Variants in ADPGK observed in about 807,000 individuals in gnomAD.
ADPGK encodes ADP dependent glucokinase.
ADPGK carries 26 observed loss-of-function variants against 42.4 expected under a neutral mutation model. That is an observed-to-expected ratio of 0.61 (90% CI 0.45 to 0.85). ADPGK has a LOEUF of 0.85. Among genes scored for constraint, ADPGK ranks in the 40% least tolerant of loss-of-function variants. The probability of loss-of-function intolerance (pLI) is 0.00; values close to 1 mark genes in which losing one functional copy is unlikely to be tolerated. For synonymous variants in ADPGK, 267 were observed against 252.6 expected (o/e 1.06, Z -0.54); for missense variants, 571 against 627.0 (o/e 0.91, Z 0.95).
In ADPGK at chr15:72,774,894, G is replaced by A. The variant is rs773950034; in HGVS notation, c.437C>T (p.Ala146Val). Reference protein sequence around the residue: ...KETFHDIAQVASEFPGAQHYV... With the variant: ...KETFHDIAQVVSEFPGAQHYV... ...GACCTGGGCTCCTGGGAACTCTGAT[G>A]CAACCTGGGCAATGTCGTGAAAAGT... Residue 146 changes from alanine (A) to valine (V), a missense_variant, in exon 2 of 7, where the codon GCA becomes GTA. By Grantham distance (64) the Ala-to-Val change is moderately conservative. Around this residue, in one of 2 missense-constraint regions of ADPGK, gnomAD observed 434 missense variants for 522.7 expected, o/e 0.83. Coordinates refer to ENST00000456471, the MANE Select transcript of ADPGK (RefSeq NM_001365225.1). 16 of 1,612,832 alleles carry A rather than the reference G, an allele frequency of 9.9e-6. No homozygotes were observed. Among genetic ancestry groups the A allele is most frequent in the Admixed American group, 5.0e-5 (3 of 59,982 alleles).
chr15:72,755,756 G>A lies in ADPGK; in HGVS notation c.841-102C>T, dbSNP rs552529540. 1.3e-5 allele frequency: 11 copies of A among 879,972 alleles called. No homozygotes were observed. The African/African-American group carries it at 1.5e-4, about 12-fold the overall frequency. 54.5% of individuals were successfully genotyped at this position (879,972 alleles called of 1,614,324 possible). A position where few individuals can be genotyped will look rare whatever the true frequency, so the allele number is the denominator to read the frequency against. Reference sequence around the variant, plus strand: ...TGAGAGGCGGTTCCTCCTGGTAATGGCCTTCTTTGCATGCTCACGGGAGCT... The same window carrying A: ...TGAGAGGCGGTTCCTCCTGGTAATGACCTTCTTTGCATGCTCACGGGAGCT... On this transcript the variant is annotated intron_variant, in intron 5 of 6. Coordinates refer to ENST00000456471, the MANE Select transcript of ADPGK (RefSeq NM_001365225.1).
Position 72,755,577 on chromosome 15 carries a change from G to A in ADPGK, c.918C>T (p.Leu306=). The change falls in exon 6 of 7, where the codon CTC becomes CTT. Residue 306 remains leucine, a synonymous_variant. Coordinates refer to ENST00000456471, the MANE Select transcript of ADPGK (RefSeq NM_001365225.1). ...LELASMTNRE[L]MSSIVHQQVF... is the part of the protein sequence containing the mutation. ...TTACCTGATGGACAATGCTGCTCAT[G>A]AGCTCCCTGTTAGTCATACTGGCCA... is the stretch of plus-strand genomic sequence containing the variant. The A allele has an allele frequency of 6.2e-7, 1 of 1,613,882 alleles. No homozygotes were observed. Among genetic ancestry groups the A allele is most frequent in the Non-Finnish European group, 8.5e-7 (1 of 1,179,790 alleles).
At chr15:72,775,833 A>T (rs187664157) in intron 1 of ADPGK, among the ~76,000 whole-genome samples, 1 of 152,030 alleles carries the variant, frequency 6.6e-6, no homozygotes, top group South Asian at 2.1e-4. Flanking sequence ...GGTTGTCTCG[A>T]TGGAAATTAT....
chr15:72,755,972 A>G, intron 5 of ADPGK: 1 of 661,060 alleles, frequency 1.5e-6, no homozygotes, highest in Non-Finnish European at 2.8e-6. Context: ...AAAGGACACA[A>G]ACTACAAACC....
Position 72,783,448 on chromosome 15 carries a change from T to C in ADPGK, c.233+11A>G, listed in dbSNP as rs758201716. ...CGGAGGCTCAGAGACCCAGGCCCCG[T>C]TGGCACTCACCCCACTGCCACGCGG... On this transcript the variant is annotated intron_variant, in intron 1 of 6. Coordinates refer to ENST00000456471, the MANE Select transcript of ADPGK (RefSeq NM_001365225.1). 1.3e-4 allele frequency: 183 copies of C among 1,356,402 alleles called. No homozygotes were observed. Among genetic ancestry groups the C allele is most frequent in the Non-Finnish European group, 1.5e-4 (159 of 1,060,002 alleles). The allele number at this position is 1,356,402 out of a possible 1,614,324, so 84.0% of individuals were successfully genotyped here. A position where few individuals can be genotyped will look rare whatever the true frequency, so the allele number is the denominator to read the frequency against.
At position 72,771,814 on chromosome 15, in the gene ADPGK, C is replaced by A; in HGVS notation, c.491G>T (p.Gly164Val). 1 of 1,613,224 alleles carries A rather than the reference C, an allele frequency of 6.2e-7. No individual in the cohort carries two copies. The highest frequency in any genetic ancestry group is 8.5e-7 in the Non-Finnish European group (1 of 1,179,578). Residue 164 changes from glycine to valine, a missense_variant, in exon 3 of 7, where the codon GGA (glycine) becomes GTA (valine). Gly to Val is a moderately radical substitution (Grantham distance 109). Around this residue, in one of 2 missense-constraint regions of ADPGK, gnomAD observed 434 missense variants for 522.7 expected, o/e 0.83. Transcript: ENST00000456471. ...ATCTGAGTTGGCTGCAAATTTCTGT[C>A]CAATTAAAGCTGCATTTCCTCCTAC... is the stretch of plus-strand genomic sequence containing the variant. ...HYVGGNAALIGQKFAANSDLK... is the reference protein window; with the variant it reads ...HYVGGNAALIVQKFAANSDLK...
At chr15:72,782,253 A>T (rs1176869825) in intron 1 of ADPGK, among the ~76,000 whole-genome samples, 2 of 152,124 alleles carry the variant, frequency 1.3e-5, no homozygotes, top group Non-Finnish European at 2.9e-5. Context: ...AAGGAAGGAC[A>T]ATTTAATCCC....
chr15:72,770,999 C>T (rs149840599), intron 3 of ADPGK, among the ~76,000 whole-genome samples: 315 of 152,308 alleles, frequency 2.1e-3, no homozygotes, highest in Non-Finnish European at 4.1e-3. Context: ...GTTATTTACT[C>T]CATAATCATC....
Position 72,777,956 on chromosome 15 carries a change from A to T in ADPGK, c.234-2859T>A, listed in dbSNP as rs369230577. ...GTTTACTTGATAACTTTTTATAATT[A>T]AAAAAAACCAGGCTGAGCACGGTGG... On this transcript the variant is annotated intron_variant, in intron 1 of 6. Coordinates refer to ENST00000456471, the MANE Select transcript of ADPGK (RefSeq NM_001365225.1). Among the ~76,000 whole-genome samples the T allele has an allele frequency of 5.9e-5, 9 of 151,836 alleles. 1 individual carries two copies. The highest frequency in any genetic ancestry group is 3.9e-4 in the East Asian group (2 of 5,160).
At chr15:72,759,632 C>G (rs1846914340) in intron 4 of ADPGK, among the ~76,000 whole-genome samples, 2 of 152,178 alleles carry the variant, frequency 1.3e-5, no homozygotes, top group Non-Finnish European at 2.9e-5. Context: ...GTATTAAGTG[C>G]TGCTTTAAGG....
At chr15:72,782,265 G>A (rs930587110) in intron 1 of ADPGK, among the ~76,000 whole-genome samples, 3 of 152,142 alleles carry the variant, frequency 2.0e-5, no homozygotes, top group Non-Finnish European at 4.4e-5. Context: ...TTTAATCCCA[G>A]CACTTTGGGA....
Position 72,783,487 on chromosome 15 carries a change from C to A in ADPGK, c.205G>T (p.Val69Phe), listed in dbSNP as rs980815129. The A allele has an allele frequency of 1.4e-6, 2 of 1,421,742 alleles. No individual in the cohort carries two copies. The highest frequency in any genetic ancestry group is 2.9e-5 in the South Asian group (2 of 68,716). The allele number at this position is 1,421,742 out of a possible 1,614,324, so 88.1% of individuals were successfully genotyped here. ...ACTGCCACGCGGCGCCAGCGCCGGA[C>A]TGGCCGCACGATAAGCGCGTCCCAG... The part of the protein sequence containing the change: ...AAWDALIVRP[V>F]RRWRRVAVGV... Residue 69 changes from valine (V) to phenylalanine (F), a missense_variant, in exon 1 of 7, where the codon GTC becomes TTC. Physicochemically the swap from Val to Phe is conservative, Grantham distance 50. Around this residue, in one of 2 missense-constraint regions of ADPGK, gnomAD observed 137 missense variants for 104.2 expected, o/e 1.31. Coordinates refer to ENST00000456471, the MANE Select transcript of ADPGK (RefSeq NM_001365225.1).
intron 6 of ADPGK, among the ~76,000 whole-genome samples, chr15:72,754,468 T>C (rs935196597): frequency 3.3e-5 from 5 of 152,240 alleles, no homozygotes; most frequent in African/African-American, 1.2e-4. Flanking sequence ...ATAATTCTTA[T>C]GGAGGGCAAT....
At chr15:72,783,315 G>C in intron 1 of ADPGK, 144 bp downstream of exon 1, 1 of 1,274,634 alleles carries the variant, frequency 7.8e-7, no homozygotes, top group Non-Finnish European at 9.9e-7. Context: ...GTTCCACTCA[G>C]ACGTCCGACA....
At chr15:72,754,414 G>A (rs1303654580) in intron 6 of ADPGK, among the ~76,000 whole-genome samples, 1 of 152,164 alleles carries the variant, frequency 6.6e-6, no homozygotes, top group Non-Finnish European at 1.5e-5. Context: ...AAGGATATGA[G>A]GGAACAAGTA....
At chr15:72,759,471 C>T (rs746458428) in intron 4 of ADPGK, among the ~76,000 whole-genome samples, 5 of 152,128 alleles carry the variant, frequency 3.3e-5, no homozygotes, top group Non-Finnish European at 7.4e-5. Context: ...TAGTAAGCAC[C>T]CGAAAGAGAA....
At chr15:72,779,950 T>A (rs575441253) in intron 1 of ADPGK, among the ~76,000 whole-genome samples, 1 of 152,296 alleles carries the variant, frequency 6.6e-6, no homozygotes. Context: ...TTTTCTTAAA[T>A]CTCTCTTAAT....
chr15:72,775,735 C>T (rs1199018269), intron 1 of ADPGK, among the ~76,000 whole-genome samples: 1 of 152,152 alleles, frequency 6.6e-6, no homozygotes, highest in Admixed American at 6.5e-5. Context: ...GTTTTACAGA[C>T]TTAGGCACAC....
At chr15:72,774,540 C>A (rs1046394238) in intron 2 of ADPGK, among the ~76,000 whole-genome samples, 2 of 152,174 alleles carry the variant, frequency 1.3e-5, no homozygotes, top group South Asian at 2.1e-4. Context: ...TTCTACCTTG[C>A]AGACCAGTGG....
Sources: allele counts gnomAD v4.1 joint callset (sites outside exome capture counted in the v4.1 genomes callset), GRCh38; gene constraint gnomAD v4.1.1; regional missense constraint gnomAD v4.1.1; transcripts MANE v1.5; gene names NCBI Gene and HGNC (gene_info 2026-07-23, HGNC 2026-07-21).